Variants in ERC1 observed in about 807,000 individuals in gnomAD.
ERC1 encodes RAB6 interacting protein 2.
In ERC1, 56 loss-of-function variants were observed where a neutral mutation model predicts 132.0. The observed-to-expected ratio is 0.42, with a 90% confidence interval of 0.34 to 0.53. The LOEUF is 0.53. Among genes scored for constraint, ERC1 ranks in the 20% least tolerant of loss-of-function variants. The pLI is 0.03. For synonymous variants in ERC1, 478 were observed against 476.1 expected, an observed-to-expected ratio of 1.00 and a Z score of -0.05; for missense variants, 1,202 against 1,349.9, an observed-to-expected ratio of 0.89 and a Z score of 1.72.
intron 2 of ERC1, among the ~76,000 whole-genome samples, chr12:1,044,670 G>A (rs1238512629): frequency 1.3e-5 from 2 of 152,118 alleles, no homozygotes; most frequent in East Asian, 3.8e-4. Flanking sequence ...ATATTTTGAA[G>A]TATGAAATAT....
At chr12:1,482,410 G>A (rs932164306) in intron 18 of ERC1, among the ~76,000 whole-genome samples, 8 of 151,494 alleles carry the variant, frequency 5.3e-5, no homozygotes, top group African/African-American at 1.2e-4. Context: ...TTTGCATAGA[G>A]CACTCAGTCA....
At chr12:1,103,598 G>A (rs1175682852) in intron 3 of ERC1, among the ~76,000 whole-genome samples, 1 of 152,196 alleles carries the variant, frequency 6.6e-6, no homozygotes, top group African/African-American at 2.4e-5. Flanking sequence ...ATGTTTTGAA[G>A]CTAGAGCTAA....
At chr12:1,466,233 C>T (rs1431064821) in intron 18 of ERC1, among the ~76,000 whole-genome samples, 2 of 152,176 alleles carry the variant, frequency 1.3e-5, no homozygotes, top group African/African-American at 4.8e-5. Context: ...TTGGTGTATA[C>T]ATGGCTGCCT....
At chr12:1,153,671 G>A (rs1200832069) in intron 8 of ERC1, among the ~76,000 whole-genome samples, 7 of 152,232 alleles carry the variant, frequency 4.6e-5, no homozygotes, top group African/African-American at 1.4e-4. Flanking sequence ...TGAACTCGGA[G>A]AAGGGAAAAC....
intron 18 of ERC1, among the ~76,000 whole-genome samples, chr12:1,457,044 G>A (rs2093552922): frequency 6.6e-6 from 1 of 152,176 alleles, no homozygotes; most frequent in Admixed American, 6.5e-5. Context: ...TATTTTTACT[G>A]TACCTTGTCT....
chr12:1,470,078 G>GGAGTCAGGA (rs1285279037), intron 18 of ERC1, among the ~76,000 whole-genome samples: 1 of 151,584 alleles, frequency 6.6e-6, no homozygotes, highest in Non-Finnish European at 1.5e-5. Flanking sequence ...ATCTCACAAG[G>GGAGTCAGGA]GAGTCAGGAG....
chr12:1,418,659 C>CTTTCTTT (rs1447690379), intron 17 of ERC1, among the ~76,000 whole-genome samples: 4 of 110,880 alleles, frequency 3.6e-5, no homozygotes, highest in African/African-American at 1.5e-4. Flanking sequence ...CTCTCTCTCT[C>CTTTCTTT]TCTTTCTTTT....
chr12:1,072,043 A>G (rs1262683328), intron 2 of ERC1, among the ~76,000 whole-genome samples: 7 of 151,670 alleles, frequency 4.6e-5, no homozygotes, highest in Non-Finnish European at 8.8e-5. Context: ...GGAGGTTGCA[A>G]TGAGCCAAGA....
At chr12:1,279,638 A>T (rs2078525096) in intron 14 of ERC1, among the ~76,000 whole-genome samples, 1 of 151,080 alleles carries the variant, frequency 6.6e-6, no homozygotes, top group Non-Finnish European at 1.5e-5. Flanking sequence ...AAGTCTATGG[A>T]TACTGGTTTT....
In ERC1 at chr12:1,274,462, CTATTT is replaced by C. The variant is rs201815189; in HGVS notation, c.2619+11318_2619+11322del. Among the ~76,000 whole-genome samples, 16 of 150,320 alleles carry C rather than the reference CTATTT, an allele frequency of 1.1e-4. No homozygotes were observed. In the South Asian group the frequency reaches 2.7e-3, roughly 26 times the overall value. ...TGAATGGTCAGGGAAAGCATCTCGT[CTATTT>C]TATTTTATTTTATTTTATTTATTTA... On this transcript the variant is annotated intron_variant, in intron 14 of 18. Coordinates refer to ENST00000360905, the MANE Select transcript of ERC1 (RefSeq NM_178040.4).
At chr12:1,095,570 A>G (rs1464009293) in intron 3 of ERC1, among the ~76,000 whole-genome samples, 1 of 152,206 alleles carries the variant, frequency 6.6e-6, no homozygotes, top group African/African-American at 2.4e-5. Context: ...AATAGACTAT[A>G]TAACAAGATT....
At chr12:1,229,756 T>C (rs1335155798) in intron 12 of ERC1, among the ~76,000 whole-genome samples, 1 of 152,156 alleles carries the variant, frequency 6.6e-6, no homozygotes, top group African/African-American at 2.4e-5. Flanking sequence ...AAACAACTAT[T>C]ATGTTGATTT....
At chr12:1,207,415 G>A (rs1166626970) in intron 12 of ERC1, among the ~76,000 whole-genome samples, 8 of 152,082 alleles carry the variant, frequency 5.3e-5, no homozygotes, top group Admixed American at 1.3e-4. Context: ...GAGAATGATC[G>A]TTATTATTTG....
At chr12:1,205,402 T>C (rs1957266403) in intron 12 of ERC1, among the ~76,000 whole-genome samples, 1 of 141,692 alleles carries the variant, frequency 7.1e-6, no homozygotes, top group African/African-American at 2.6e-5. Context: ...TATATCTGTG[T>C]GTGTGTGTGT....
intron 1 of ERC1, among the ~76,000 whole-genome samples, chr12:1,002,665 C>T (rs1382610207): frequency 6.6e-6 from 1 of 152,100 alleles, no homozygotes; most frequent in East Asian, 1.9e-4. Context: ...TCATTTTGTT[C>T]CATATCTTTG....
chr12:1,070,859 G>T (rs947023686), intron 2 of ERC1, among the ~76,000 whole-genome samples: 2 of 151,986 alleles, frequency 1.3e-5, no homozygotes, highest in Non-Finnish European at 2.9e-5. Flanking sequence ...TCCCCAGTTC[G>T]CATCATCCCT....
intron 1 of ERC1, among the ~76,000 whole-genome samples, chr12:994,843 T>A (rs1960459054): frequency 6.6e-6 from 1 of 152,156 alleles, no homozygotes; most frequent in Non-Finnish European, 1.5e-5. Context: ...ACGCCTGTAA[T>A]CCCAGCACTT....
intron 18 of ERC1, among the ~76,000 whole-genome samples, chr12:1,488,967 T>G (rs1379508279): frequency 6.6e-6 from 1 of 152,216 alleles, no homozygotes; most frequent in African/African-American, 2.4e-5. Flanking sequence ...CTGCTCAGTC[T>G]GAGAAAGTGG....
chr12:1,347,462 C>G (rs1319079266), intron 15 of ERC1, among the ~76,000 whole-genome samples: 1 of 152,004 alleles, frequency 6.6e-6, no homozygotes, highest in Non-Finnish European at 1.5e-5. Flanking sequence ...ATCTCACATG[C>G]TTGTCATTTT....
Sources: allele counts gnomAD v4.1 joint callset (sites outside exome capture counted in the v4.1 genomes callset), GRCh38; gene constraint gnomAD v4.1.1; transcripts MANE v1.5; gene names NCBI Gene and HGNC (gene_info 2026-07-23, HGNC 2026-07-21).